The following TCERG1L variants were observed in gnomAD, a reference collection of about 807,000 sequenced individuals.
TCERG1L encodes the protein transcription elongation regulator 1-like protein.
TCERG1L carries 37 observed loss-of-function variants against 56.3 expected under a neutral mutation model. The ratio of observed to expected loss-of-function variants is 0.66; its 90% CI spans 0.51 to 0.87. TCERG1L has a LOEUF of 0.87. TCERG1L is among the 40% of genes least tolerant of loss of function. The probability of loss-of-function intolerance (pLI) is 0.00; values close to 1 mark genes in which losing one functional copy is unlikely to be tolerated. For synonymous variants in TCERG1L, 324 were observed against 326.3 expected (o/e 0.99, Z 0.08); for missense variants, 799 against 774.2 (o/e 1.03, Z -0.38).
At chr10:131,224,172 T>C (rs1845766217) in intron 4 of TCERG1L, among the ~76,000 whole-genome samples, 1 of 152,128 alleles carries the variant, frequency 6.6e-6, no homozygotes, top group East Asian at 1.9e-4. Flanking sequence ...AGCTGAGACC[T>C]GAACTCTGGA....
At chr10:131,149,270 T>C (rs1845837616) in intron 6 of TCERG1L, among the ~76,000 whole-genome samples, 1 of 126,820 alleles carries the variant, frequency 7.9e-6, no homozygotes, top group South Asian at 2.5e-4. Flanking sequence ...CCCAGGCCCA[T>C]GCTGGAGGCT....
intron 3 of TCERG1L, among the ~76,000 whole-genome samples, chr10:131,274,889 T>A (rs1275014290): frequency 1.3e-5 from 2 of 152,180 alleles, no homozygotes; most frequent in Non-Finnish European, 2.9e-5. Flanking sequence ...GTTCTGCAGT[T>A]TGGATTGTCA....
intron 3 of TCERG1L, among the ~76,000 whole-genome samples, chr10:131,274,356 A>G (rs764483778): frequency 6.6e-6 from 1 of 152,212 alleles, no homozygotes; most frequent in Non-Finnish European, 1.5e-5. Flanking sequence ...CGCCATTCCC[A>G]GCTGCACTTG....
chr10:131,278,299 C>CTGT (rs1846414308), intron 3 of TCERG1L, among the ~76,000 whole-genome samples: 2 of 151,846 alleles, frequency 1.3e-5, no homozygotes, highest in African/African-American at 4.8e-5. Context: ...GCCCCCCCTC[C>CTGT]TGTCCTCTCC....
intron 4 of TCERG1L, among the ~76,000 whole-genome samples, chr10:131,179,582 A>G (rs539500825): frequency 1.8e-4 from 28 of 152,258 alleles, no homozygotes; most frequent in Admixed American, 1.4e-3. Flanking sequence ...GTGACCCTGC[A>G]AAGTTCACAC....
chr10:131,119,158 C>T (rs1371903842), intron 8 of TCERG1L, among the ~76,000 whole-genome samples: 2 of 152,186 alleles, frequency 1.3e-5, no homozygotes, highest in Non-Finnish European at 2.9e-5. Context: ...AGTGTTTCCT[C>T]ACTTGGCAGG....
chr10:131,120,757 T>C (rs907011397), intron 8 of TCERG1L, among the ~76,000 whole-genome samples: 1 of 152,156 alleles, frequency 6.6e-6, no homozygotes, highest in Non-Finnish European at 1.5e-5. Flanking sequence ...CCTGAGGTGG[T>C]CCTAGCACTC....
Position 131,166,867 on chromosome 10 carries a change from C to G in TCERG1L, c.875G>C (p.Gly292Ala). 1 of 1,612,718 alleles carries G rather than the reference C, an allele frequency of 6.2e-7. No homozygotes were observed. Among genetic ancestry groups the G allele is most frequent in the South Asian group, 1.1e-5 (1 of 91,046 alleles). Residue 292 changes from glycine to alanine, a missense_variant, in exon 5 of 12, where the codon GGC (glycine) becomes GCC (alanine). By Grantham distance (60) the Gly-to-Ala change is moderately conservative. Transcript: ENST00000368642. Reference sequence around the variant, plus strand: ...CAGGGCAGGAGGGCGGGCCACTCGGCCCCGCTCTGTCCTTGTATCTGTTGG... The same window carrying G: ...CAGGGCAGGAGGGCGGGCCACTCGGGCCCGCTCTGTCCTTGTATCTGTTGG... ...SPVSDTRTER[G>A]RVARPPALML...
chr10:131,215,845 C>T (rs1447086127), intron 4 of TCERG1L, among the ~76,000 whole-genome samples: 1 of 152,152 alleles, frequency 6.6e-6, no homozygotes, highest in African/African-American at 2.4e-5. Context: ...AACCATTTTC[C>T]ATGGAAAATT....
At chr10:131,161,405 CGTTAAGCAGCAGA>C (rs1318667680) in intron 6 of TCERG1L, 1 of 152,236 alleles carries the variant, frequency 6.6e-6, no homozygotes, top group Non-Finnish European at 1.5e-5. Flanking sequence ...ATACCCCTGT[CGTTAAGCAGCAGA>C]GGGATGTATA....
chr10:131,211,826 G>A (rs1729510812), intron 4 of TCERG1L, among the ~76,000 whole-genome samples: 1 of 152,134 alleles, frequency 6.6e-6, no homozygotes, highest in South Asian at 2.1e-4. Context: ...CGGCGGCTGG[G>A]AGCATCCATT....
At chr10:131,140,627 G>A (rs1191268431) in intron 7 of TCERG1L, among the ~76,000 whole-genome samples, 1 of 152,174 alleles carries the variant, frequency 6.6e-6, no homozygotes, top group Non-Finnish European at 1.5e-5. Flanking sequence ...GCACGAAGAG[G>A]GGCACAGTGG....
In TCERG1L at chr10:131,242,840, A is replaced by T. The variant is rs529206330; in HGVS notation, c.856+17419T>A. Among the ~76,000 whole-genome samples the T allele has an allele frequency of 1.4e-4, 22 of 152,296 alleles. No homozygotes were observed. The South Asian group carries it at 4.6e-3, about 32-fold the overall frequency. On this transcript the variant is annotated intron_variant, in intron 4 of 11. Coordinates refer to ENST00000368642, the MANE Select transcript of TCERG1L (RefSeq NM_174937.4). ...CATTAACCTGTAGGATCAGTCTAGG[A>T]ACAAAACTAGAAAATCTGGTGGTCC...
intron 4 of TCERG1L, among the ~76,000 whole-genome samples, chr10:131,205,251 G>A (rs1014595471): frequency 2.0e-5 from 3 of 151,954 alleles, no homozygotes; most frequent in African/African-American, 4.8e-5. Flanking sequence ...AACCAGTGAC[G>A]TGCACGCCTC....
chr10:131,126,062 G>T (rs748205063), intron 8 of TCERG1L, among the ~76,000 whole-genome samples: 3 of 152,224 alleles, frequency 2.0e-5, no homozygotes, highest in Non-Finnish European at 4.4e-5. Flanking sequence ...CAGACTCACT[G>T]TTGGCCTTTC....
At chr10:131,207,763 G>C (rs940238845) in intron 4 of TCERG1L, among the ~76,000 whole-genome samples, 12 of 152,154 alleles carry the variant, frequency 7.9e-5, no homozygotes, top group Admixed American at 2.6e-4. Flanking sequence ...CCGGGAACCA[G>C]GACCGCCCTC....
intron 3 of TCERG1L, among the ~76,000 whole-genome samples, chr10:131,270,801 G>A (rs899253428): frequency 6.6e-6 from 1 of 152,174 alleles, no homozygotes; most frequent in African/African-American, 2.4e-5. Context: ...GGCTTGGCGA[G>A]GTTTGTCGAA....
In TCERG1L at chr10:131,241,812, T is replaced by C. The variant is rs566203393; in HGVS notation, c.856+18447A>G. Among the ~76,000 whole-genome samples, 15 of 152,168 alleles carry C rather than the reference T, an allele frequency of 9.9e-5. No individual in the cohort carries two copies. The South Asian group carries it at 1.5e-3, about 15-fold the overall frequency. Reference sequence around the variant, plus strand: ...CCCATGGAGGTTTCCACAGAATTAATATTTTAAAATGTCTAGATGTCATTA... The same window carrying C: ...CCCATGGAGGTTTCCACAGAATTAACATTTTAAAATGTCTAGATGTCATTA... On this transcript the variant is annotated intron_variant, in intron 4 of 11. Coordinates refer to ENST00000368642, the MANE Select transcript of TCERG1L (RefSeq NM_174937.4).
chr10:131,184,712 C>T (rs181057127), intron 4 of TCERG1L, among the ~76,000 whole-genome samples: 62 of 152,264 alleles, frequency 4.1e-4, no homozygotes, highest in Non-Finnish European at 7.1e-4. Flanking sequence ...CTCCAGGCAC[C>T]GAGCAAGCCT....
Sources: allele counts gnomAD v4.1 joint callset (sites outside exome capture counted in the v4.1 genomes callset), GRCh38; gene constraint gnomAD v4.1.1; transcripts MANE v1.5; gene names NCBI Gene and HGNC (gene_info 2026-07-23, HGNC 2026-07-21).